The following GUCY2F variants were observed in gnomAD, a reference collection of about 807,000 sequenced individuals.
GUCY2F encodes the protein retinal guanylyl cyclase 2.
A neutral mutation model predicts 73.1 loss-of-function variants in GUCY2F; 61 were observed. The ratio of observed to expected loss-of-function variants is 0.83; its 90% CI spans 0.68 to 1.03. GUCY2F has a LOEUF of 1.03. Ranked by LOEUF, GUCY2F falls within the 50% of genes least tolerant of loss-of-function variation. GUCY2F has a pLI of 0.00. For synonymous variants in GUCY2F, 331 were observed against 307.8 expected (o/e 1.08, Z -0.79); for missense variants, 912 against 854.3 (o/e 1.07, Z -0.84).
chrX:109,392,554 G>A (rs759902930), intron 13 of GUCY2F, among the ~76,000 whole-genome samples: 31 of 112,365 alleles, frequency 2.8e-4, no homozygotes, highest in East Asian at 1.7e-3. Flanking sequence ...CTGGAAAAAC[G>A]ACCTTGCTAC....
intron 15 of GUCY2F, among the ~76,000 whole-genome samples, chrX:109,386,539 G>T (rs1251222791): frequency 8.9e-6 from 1 of 111,830 alleles, no homozygotes; most frequent in African/African-American, 3.3e-5. Context: ...CAAGATGGAG[G>T]ATCTTGAACC....
chrX:109,476,853 GTA>G (rs747336451), intron 1 of GUCY2F, among the ~76,000 whole-genome samples: 6 of 110,355 alleles, frequency 5.4e-5, no homozygotes, highest in Admixed American at 9.7e-5. Context: ...GTGTATATAT[GTA>G]TGTGTGTGTG....
At chrX:109,456,607 A>C (rs984233112) in intron 3 of GUCY2F, among the ~76,000 whole-genome samples, 1 of 111,852 alleles carries the variant, frequency 8.9e-6, no homozygotes, top group Non-Finnish European at 1.9e-5. Flanking sequence ...AAGACGACTG[A>C]AACCTGAAGC....
At chrX:109,405,114 T>A (rs745339865) in intron 9 of GUCY2F, among the ~76,000 whole-genome samples, 9 of 112,226 alleles carry the variant, frequency 8.0e-5, no homozygotes, top group Admixed American at 9.5e-5. Context: ...AAGATAGATC[T>A]GTATGTAGCT....
Position 109,375,933 on chromosome X carries a change from TTTC to T in GUCY2F, c.3290_3292del (p.Arg1097del), listed in dbSNP as rs1273848261. ...GTTTCTCACCAACTGCCTTTCTGCT[TTTC>T]TTCTTTGGAAGGCTGCAATCTCCAC... On this transcript the variant is annotated inframe_deletion, in exon 19 of 20. Coordinates refer to ENST00000218006, the MANE Select transcript of GUCY2F (RefSeq NM_001522.3). 4 of 1,209,472 alleles carry T rather than the reference TTTC, an allele frequency of 3.3e-6. No individual in the cohort carries two copies. The African/African-American group carries it at 7.0e-5, about 21-fold the overall frequency.
intron 10 of GUCY2F, among the ~76,000 whole-genome samples, chrX:109,402,908 G>A (rs1046704532): frequency 8.1e-5 from 9 of 111,662 alleles, no homozygotes; most frequent in Non-Finnish European, 1.3e-4. Flanking sequence ...CTCTGTCTAT[G>A]CATGTGTCTC....
At chrX:109,409,225 C>T (rs1569360995) in intron 8 of GUCY2F, 57 bp from the exon 9 acceptor site, 8 of 590,931 alleles carry the variant, frequency 1.4e-5, no homozygotes, top group Non-Finnish European at 2.3e-5. Flanking sequence ...CTGGGGACCA[C>T]AGTTGAGGGC....
At chrX:109,375,565 T>A (rs1469040747) in intron 19 of GUCY2F, among the ~76,000 whole-genome samples, 1 of 112,293 alleles carries the variant, frequency 8.9e-6, no homozygotes, top group Non-Finnish European at 1.9e-5. Context: ...TGGCTCACCA[T>A]GTGGCCCAGG....
intron 16 of GUCY2F, 41 bp downstream of exon 16, chrX:109,385,143 A>T: frequency 3.0e-6 from 2 of 655,810 alleles, no homozygotes; most frequent in South Asian, 5.3e-5. Flanking sequence ...TCTCAATAGC[A>T]GAGTGGTGCC....
At chrX:109,448,683 C>T (rs193293195) in intron 5 of GUCY2F, among the ~76,000 whole-genome samples, 1 of 112,203 alleles carries the variant, frequency 8.9e-6, no homozygotes, top group African/African-American at 3.2e-5. Context: ...ATCCTTACTC[C>T]CTGGCTGTGG....
intron 3 of GUCY2F, among the ~76,000 whole-genome samples, chrX:109,455,018 G>T (rs185886872): frequency 1.3e-4 from 15 of 111,878 alleles, no homozygotes; most frequent in African/African-American, 3.9e-4. Context: ...ATGCAGAGAG[G>T]TGTAGCAGAT....
At chrX:109,447,858 C>A (rs1424295646) in intron 6 of GUCY2F, among the ~76,000 whole-genome samples, 1 of 109,219 alleles carries the variant, frequency 9.2e-6, no homozygotes, top group Non-Finnish European at 1.9e-5. Context: ...TTAATTTTGA[C>A]ATTTAATTAA....
chrX:109,424,364 G>A (rs755214229), intron 8 of GUCY2F, among the ~76,000 whole-genome samples: 4 of 111,930 alleles, frequency 3.6e-5, no homozygotes, highest in African/African-American at 1.3e-4. Context: ...ATTTGAGAGT[G>A]GATGTGATTA....
At chrX:109,435,718 C>G (rs1426688589) in intron 7 of GUCY2F, among the ~76,000 whole-genome samples, 11 of 111,237 alleles carry the variant, frequency 9.9e-5, no homozygotes, top group East Asian at 5.6e-4. Flanking sequence ...TTTTCAAAGC[C>G]AATGCTTCCA....
At chrX:109,438,773 G>C (rs1401606660) in intron 7 of GUCY2F, among the ~76,000 whole-genome samples, 2 of 112,646 alleles carry the variant, frequency 1.8e-5, no homozygotes, top group East Asian at 5.6e-4. Flanking sequence ...TACAGGTCTG[G>C]GGTGTCAAGG....
rs751885741 is a variant in GUCY2F at position 109,376,069 on chromosome X, C to G, written c.3239+10G>C. The G allele has an allele frequency of 4.2e-6, 5 of 1,177,848 alleles. No individual in the cohort carries two copies. In the African/African-American group the frequency reaches 8.8e-5, roughly 21 times the overall value. ...TAGGAAGACTCCAATTAAATGTGAA[C>G]TCCACTTACCCATCTTTGTCCACTG... On this transcript the variant is annotated intron_variant, in intron 18 of 19. Coordinates refer to ENST00000218006, the MANE Select transcript of GUCY2F (RefSeq NM_001522.3).
chrX:109,426,540 C>G (rs1931491862), intron 8 of GUCY2F, among the ~76,000 whole-genome samples: 1 of 111,889 alleles, frequency 8.9e-6, no homozygotes, highest in Non-Finnish European at 1.9e-5. Flanking sequence ...AGGCACCGGC[C>G]ACCACGCCTG....
intron 3 of GUCY2F, among the ~76,000 whole-genome samples, chrX:109,461,624 T>C (rs1354098816): frequency 8.9e-6 from 1 of 112,237 alleles, no homozygotes; most frequent in African/African-American, 3.2e-5. Flanking sequence ...TAGTAAGTGT[T>C]TGACAACAGC....
chrX:109,417,662 T>C (rs12398755), intron 8 of GUCY2F, among the ~76,000 whole-genome samples: 3 of 111,084 alleles, frequency 2.7e-5, no homozygotes, highest in Admixed American at 9.5e-5. Context: ...GTGCCTTAAA[T>C]GTAAGTAGCC....
Sources: allele counts gnomAD v4.1 joint callset (sites outside exome capture counted in the v4.1 genomes callset), GRCh38; gene constraint gnomAD v4.1.1; transcripts MANE v1.5; gene names NCBI Gene and HGNC (gene_info 2026-07-23, HGNC 2026-07-21).